EPHB1: variants seen among roughly 807,000 people sequenced by gnomAD.
EPHB1 encodes ephrin type-B receptor 1.
A neutral mutation model predicts 94.4 loss-of-function variants in EPHB1; 30 were observed. That is an observed-to-expected ratio of 0.32 (90% CI 0.24 to 0.43). EPHB1 has a LOEUF of 0.43. Ranked by LOEUF, EPHB1 falls within the 20% of genes least tolerant of loss-of-function variation. EPHB1 has a pLI of 1.00. For synonymous variants in EPHB1, 522 were observed against 489.1 expected (o/e 1.07, Z -0.89); for missense variants, 1,055 against 1,308.3 (o/e 0.81, Z 2.99).
At chr3:135,232,373 G>C in intron 12 of EPHB1, among the ~76,000 whole-genome samples, 1 of 152,220 alleles carries the variant, frequency 6.6e-6, no homozygotes, top group East Asian at 1.9e-4. Context: ...CCCCCTGAGG[G>C]CAGGCCCATC....
In EPHB1 at chr3:135,179,906, T is replaced by A; in HGVS notation, c.1806T>A (p.Asp602Glu). 6.2e-7 allele frequency: 1 copy of A among 1,613,964 alleles called. No individual in the cohort carries two copies. Among genetic ancestry groups the A allele is most frequent in the Non-Finnish European group, 8.5e-7 (1 of 1,179,846 alleles). ...ACATTGACCCCTTCACTTACGAGGA[T>A]CCCAACGAAGCTGTCCGGGAGTTTG... ...KIYIDPFTYE[D>E]PNEAVREFAK... The change falls in exon 10 of 16, where the codon GAT becomes GAA. Residue 602 changes from aspartate to glutamate, a missense_variant. By Grantham distance (45) the Asp-to-Glu change is conservative. Coordinates refer to ENST00000398015, the MANE Select transcript of EPHB1 (RefSeq NM_004441.5).
At chr3:135,173,818 C>T (rs973753875) in intron 9 of EPHB1, among the ~76,000 whole-genome samples, 1 of 152,198 alleles carries the variant, frequency 6.6e-6, no homozygotes, top group African/African-American at 2.4e-5. Flanking sequence ...GTACATCCAA[C>T]GTCTAAAACC....
chr3:135,182,986 C>CTTTCT (rs755058104), intron 10 of EPHB1, among the ~76,000 whole-genome samples: 2,707 of 110,436 alleles, frequency 0.025, 93 homozygotes, highest in Middle Eastern at 0.071. Flanking sequence ...TTTTCTTTTG[C>CTTTCT]TTTCTTTTCT....
intron 7 of EPHB1, 37 bp downstream of exon 7, chr3:135,162,217 C>A: frequency 6.5e-7 from 1 of 1,532,424 alleles, no homozygotes; most frequent in Non-Finnish European, 8.8e-7. Context: ...AATCACAGGG[C>A]AGGCAGTGTG....
At chr3:134,979,430 A>G (rs908032144) in intron 3 of EPHB1, among the ~76,000 whole-genome samples, 14 of 152,286 alleles carry the variant, frequency 9.2e-5, no homozygotes, top group East Asian at 5.8e-4. Context: ...AAGTCACTCC[A>G]TTCTCCATAA....
chr3:134,940,905 A>G (rs1208883016), intron 2 of EPHB1, among the ~76,000 whole-genome samples: 2 of 152,356 alleles, frequency 1.3e-5, no homozygotes, highest in African/African-American at 4.8e-5. Context: ...TTGACTCTTT[A>G]TTAAATAAAT....
At position 135,076,234 on chromosome 3, in the gene EPHB1, GATAT is replaced by G. The variant is rs60727518; in HGVS notation, c.806-30190_806-30187del. ...TTTGTATATCATTTATCTGAAAAGG[GATAT>G]ATATATATATATATATATATATAAC... On this transcript the variant is annotated intron_variant, in intron 3 of 15. Transcript: ENST00000398015. Among the ~76,000 whole-genome samples, 91 of 131,170 alleles carry G rather than the reference GATAT, an allele frequency of 6.9e-4. 2 individuals are homozygous for G. Among genetic ancestry groups the G allele is most frequent in the African/African-American group, 2.3e-3 (62 of 27,016 alleles). 86.1% of individuals were successfully genotyped at this position (131,170 alleles called of 152,430 possible).
chr3:135,063,412 A>T (rs1220054970), intron 3 of EPHB1, among the ~76,000 whole-genome samples: 13 of 152,062 alleles, frequency 8.5e-5, no homozygotes. Flanking sequence ...CTCCTTGGTT[A>T]TGTATACTCC....
rs114422950 is a variant in EPHB1 at position 135,126,247 on chromosome 3, T to C, written c.962-6467T>C. Among the ~76,000 whole-genome samples, 969 of 152,312 alleles carry C rather than the reference T, an allele frequency of 6.4e-3. 6 individuals carry two copies. The highest frequency in any genetic ancestry group is 0.01 in the Non-Finnish European group (707 of 68,032). The stretch of plus-strand genomic sequence containing the variant: ...TTTTCCAAACTACAATCTTGAATCT[T>C]CTCAGCCATGGAGAACATTACATTT... On this transcript the variant is annotated intron_variant, in intron 4 of 15. Transcript: ENST00000398015.
rs145060821 is a variant in EPHB1, at chr3:134,825,362, G to C, written c.58+29673G>C. 2.6e-5 allele frequency among the ~76,000 whole-genome samples: 4 copies of C among 152,368 alleles called. No individual in the cohort carries two copies. The East Asian group carries it at 5.8e-4, about 22-fold the overall frequency. On this transcript the variant is annotated intron_variant, in intron 1 of 15. Transcript: ENST00000398015. The stretch of plus-strand genomic sequence containing the variant: ...TAATGGGATGGTTTTGAACCTAAGT[G>C]TGCAGAACTGTTCATTTCATCTGGT...
At chr3:134,983,236 G>T (rs751120435) in intron 3 of EPHB1, among the ~76,000 whole-genome samples, 3 of 152,212 alleles carry the variant, frequency 2.0e-5, no homozygotes, top group Admixed American at 2.0e-4. Flanking sequence ...GCATGTGTGT[G>T]TATGTCTATG....
At chr3:134,999,096 C>T (rs1935091693) in intron 3 of EPHB1, among the ~76,000 whole-genome samples, 2 of 152,160 alleles carry the variant, frequency 1.3e-5, no homozygotes, top group Non-Finnish European at 1.5e-5. Flanking sequence ...AACCCGATAC[C>T]TGGTCAGTCA....
At chr3:134,799,713 T>C (rs1202202730) in intron 1 of EPHB1, among the ~76,000 whole-genome samples, 1 of 152,202 alleles carries the variant, frequency 6.6e-6, no homozygotes. Context: ...TTCTGCCTTC[T>C]ATTGACTTGT....
chr3:135,208,290 C>CGTGTGTGTGTGTGT (rs55947191), intron 12 of EPHB1, among the ~76,000 whole-genome samples: 12 of 142,780 alleles, frequency 8.4e-5, no homozygotes, highest in East Asian at 6.1e-4. Context: ...CCTTTCATGA[C>CGTGTGTGTGTGTGT]GTGTGTGTGT....
At position 135,020,886 on chromosome 3, in the gene EPHB1, A is replaced by C. The variant is rs555254277; in HGVS notation, c.805+68834A>C. The stretch of plus-strand genomic sequence containing the variant: ...CTGGAATGTATTTTCGTAAATAGTA[A>C]TAGGGTGAGAGTCTAATTTAATTTT... On this transcript the variant is annotated intron_variant, in intron 3 of 15. Transcript: ENST00000398015. Among the ~76,000 whole-genome samples the C allele has an allele frequency of 7.9e-5, 12 of 152,310 alleles. No individual in the cohort carries two copies. The East Asian group carries it at 2.3e-3, about 29-fold the overall frequency.
chr3:134,828,380 G>A (rs1392370493), intron 1 of EPHB1, among the ~76,000 whole-genome samples: 1 of 152,200 alleles, frequency 6.6e-6, no homozygotes, highest in African/African-American at 2.4e-5. Flanking sequence ...GAGAAAAAAT[G>A]GAGCATTTTA....
Position 135,179,998 on chromosome 3 carries a change from G to C in EPHB1, c.1882+16G>C. The C allele has an allele frequency of 6.2e-7, 1 of 1,613,352 alleles. No individual in the cohort carries two copies. Among genetic ancestry groups the C allele is most frequent in the Non-Finnish European group, 8.5e-7 (1 of 1,179,474 alleles). ...ATCGGAGCAGGTATGGCTCTTCCCT[G>C]TCTTGTTTCTGTTCTCCTGGTGTCC... is the stretch of plus-strand genomic sequence containing the variant. On this transcript the variant is annotated intron_variant, in intron 10 of 15. Coordinates refer to ENST00000398015, the MANE Select transcript of EPHB1 (RefSeq NM_004441.5).
intron 1 of EPHB1, among the ~76,000 whole-genome samples, chr3:134,922,903 A>T (rs2038716696): frequency 6.6e-6 from 1 of 152,234 alleles, no homozygotes; most frequent in Non-Finnish European, 1.5e-5. Flanking sequence ...CAACTCCGCC[A>T]CAAGGATTCA....
Position 135,179,019 on chromosome 3 carries a change from T to C in EPHB1, c.1760-841T>C, listed in dbSNP as rs189844483. On this transcript the variant is annotated intron_variant, in intron 9 of 15. Coordinates refer to ENST00000398015, the MANE Select transcript of EPHB1 (RefSeq NM_004441.5). ...CATTGGTTTCTTGGGTTCCATTTCC[T>C]TTTTTTTTGTTCCCTCTCCTCTACT... Among the ~76,000 whole-genome samples, 202 of 145,092 alleles carry C rather than the reference T, an allele frequency of 1.4e-3. 2 individuals carry two copies. The highest frequency in any genetic ancestry group is 4.2e-3 in the Admixed American group (62 of 14,626).
Sources: allele counts gnomAD v4.1 joint callset (sites outside exome capture counted in the v4.1 genomes callset), GRCh38; gene constraint gnomAD v4.1.1; transcripts MANE v1.5; gene names NCBI Gene and HGNC (gene_info 2026-07-23, HGNC 2026-07-21).